MAP4K4: variants seen among roughly 807,000 people sequenced by gnomAD.
The protein encoded by MAP4K4 is mitogen-activated protein kinase kinase kinase kinase 4.
In MAP4K4, 38 loss-of-function variants were observed where a neutral mutation model predicts 189.6. That is an observed-to-expected ratio of 0.20 (90% CI 0.15 to 0.26). The LOEUF (loss-of-function observed/expected upper bound fraction) is 0.26, where lower values mean the gene tolerates loss of function less well. MAP4K4 is among the 10% of genes least tolerant of loss of function. The pLI is 1.00. For missense variants in MAP4K4, 1,054 were observed against 1,726.9 expected (o/e 0.61, Z 6.91); for synonymous variants, 610 against 624.3 (o/e 0.98, Z 0.34).
chr2:101,859,841 G>A (rs1214859627), exon 15 of MAP4K4: 6 of 1,607,946 alleles, frequency 3.7e-6, no homozygotes, highest in African/African-American at 1.3e-5. Context: ...AGCCCACTAC[G>A]AGCCTGCTGA....
At chr2:101,830,912 C>T (rs991298805) in intron 6 of MAP4K4, among the ~76,000 whole-genome samples, 1 of 152,214 alleles carries the variant, frequency 6.6e-6, no homozygotes, top group Non-Finnish European at 1.5e-5. Flanking sequence ...AGTCCACACC[C>T]TGGACGAGCC....
chr2:101,818,687 C>G (rs1322232566), intron 3 of MAP4K4, among the ~76,000 whole-genome samples: 1 of 152,162 alleles, frequency 6.6e-6, no homozygotes, highest in Non-Finnish European at 1.5e-5. Flanking sequence ...ACAAACCCAT[C>G]GCTACCTGTG....
chr2:101,756,985 C>G (rs2073204842), intron 2 of MAP4K4, among the ~76,000 whole-genome samples: 1 of 152,160 alleles, frequency 6.6e-6, no homozygotes, highest in Non-Finnish European at 1.5e-5. Context: ...ATCTTTAACA[C>G]CGTTATTGAT....
intron 2 of MAP4K4, among the ~76,000 whole-genome samples, chr2:101,768,768 C>T (rs192424662): frequency 6.6e-6 from 1 of 152,252 alleles, no homozygotes; most frequent in Non-Finnish European, 1.5e-5. Context: ...GTTTTAGGAG[C>T]CTGTTTGATT....
At chr2:101,865,033 C>A in exon 18 of MAP4K4, 1 of 1,556,756 alleles carries the variant, frequency 6.4e-7, no homozygotes, top group Non-Finnish European at 8.7e-7. Context: ...AGAAACTCCA[C>A]CAGGTAAAAG....
In MAP4K4 at chr2:101,874,272, T is replaced by TC; in HGVS notation, c.3241+22dup. The TC allele has an allele frequency of 6.3e-7, 1 of 1,589,756 alleles. No homozygotes were observed. The highest frequency in any genetic ancestry group is 8.6e-7 in the Non-Finnish European group (1 of 1,166,112). Reference sequence around the variant, plus strand: ...TATGGGGTAGGTGTCTAGCCACTACTCCAACACTTTCATTTTTGTTCTGAG... The same window carrying TC: ...TATGGGGTAGGTGTCTAGCCACTACTCCCAACACTTTCATTTTTGTTCTGAG... On this transcript the variant is annotated intron_variant, in intron 26 of 32. Coordinates refer to ENST00000324219, the Ensembl canonical transcript of MAP4K4.
At chr2:101,717,373 C>T (rs936403135) in intron 2 of MAP4K4, among the ~76,000 whole-genome samples, 1 of 152,146 alleles carries the variant, frequency 6.6e-6, no homozygotes, top group Admixed American at 6.5e-5. Flanking sequence ...ATTGAATCTG[C>T]TGTTTATGTG....
intron 2 of MAP4K4, among the ~76,000 whole-genome samples, chr2:101,708,220 CAT>C (rs1252481638): frequency 6.6e-6 from 1 of 152,102 alleles, no homozygotes; most frequent in East Asian, 1.9e-4. Flanking sequence ...CTTAATAACT[CAT>C]GTGATCAGTC....
intron 2 of MAP4K4, among the ~76,000 whole-genome samples, chr2:101,784,276 GTGTGTGTGTGTA>G (rs1172799450): frequency 6.9e-6 from 1 of 145,598 alleles, no homozygotes; most frequent in African/African-American, 2.8e-5. Flanking sequence ...GTGTGTGTGT[GTGTGTGTGTGTA>G]TGTGTGTGTG....
chr2:101,861,151 G>GA, intron 16 of MAP4K4, 165 bp downstream of exon 16: 1 of 601,448 alleles, frequency 1.7e-6, no homozygotes, highest in Non-Finnish European at 2.8e-6. Context: ...AGTTGATAGG[G>GA]AAATATCTTT....
chr2:101,717,498 T>C (rs2049048811), intron 2 of MAP4K4, among the ~76,000 whole-genome samples: 1 of 152,196 alleles, frequency 6.6e-6, no homozygotes, highest in Non-Finnish European at 1.5e-5. Context: ...TCTTAATTTC[T>C]TTTTGTGTCG....
chr2:101,835,156 A>G (rs546466807), intron 8 of MAP4K4, among the ~76,000 whole-genome samples: 3 of 152,360 alleles, frequency 2.0e-5, no homozygotes, highest in South Asian at 4.1e-4. Flanking sequence ...TCTGCCTCAA[A>G]CACCATACAT....
At chr2:101,890,619 C>T (rs1379112070) in intron 32 of MAP4K4, among the ~76,000 whole-genome samples, 1 of 151,504 alleles carries the variant, frequency 6.6e-6, no homozygotes, top group Non-Finnish European at 1.5e-5. Context: ...CCATGCCCAG[C>T]TAATTTTTTG....
rs746569742 is a variant in MAP4K4 at position 101,795,017 on chromosome 2, G to T, written c.180+4241G>T. ...AATATTTTTTGGCAAGAACACCTCAGTGGTGGTATTGGGTACTTCATATTG... is the reference window on the plus strand; with the variant it reads ...AATATTTTTTGGCAAGAACACCTCATTGGTGGTATTGGGTACTTCATATTG... On this transcript the variant is annotated intron_variant, in intron 3 of 32. Transcript: ENST00000324219. Among the ~76,000 whole-genome samples the T allele has an allele frequency of 6.0e-4, 91 of 152,106 alleles. 1 individual carries two copies. Among genetic ancestry groups the T allele is most frequent in the Admixed American group, 1.3e-4 (2 of 15,250 alleles).
intron 2 of MAP4K4, among the ~76,000 whole-genome samples, chr2:101,707,482 T>C (rs2149255411): frequency 6.6e-6 from 1 of 152,262 alleles, no homozygotes; most frequent in East Asian, 1.9e-4. Flanking sequence ...GTGCTGGGAT[T>C]ACAGGCATGA....
chr2:101,834,809 A>C (rs892161709), intron 8 of MAP4K4, among the ~76,000 whole-genome samples: 3 of 152,208 alleles, frequency 2.0e-5, no homozygotes, highest in African/African-American at 7.2e-5. Flanking sequence ...CTAACACATG[A>C]AATTTTAGTA....
chr2:101,864,843 C>A, intron 17 of MAP4K4, 87 bp from the exon 18 acceptor site: 1 of 862,772 alleles, frequency 1.2e-6, no homozygotes, highest in Admixed American at 2.4e-5. Context: ...AATATTAGGA[C>A]TGCTTTAAAA....
intron 2 of MAP4K4, among the ~76,000 whole-genome samples, chr2:101,735,096 C>T (rs2059849247): frequency 1.3e-5 from 2 of 152,154 alleles, no homozygotes; most frequent in African/African-American, 4.8e-5. Context: ...CCTTTATTTT[C>T]CCTTGATTAA....
chr2:101,723,821 G>A (rs1574272263), intron 2 of MAP4K4, among the ~76,000 whole-genome samples: 2 of 152,260 alleles, frequency 1.3e-5, no homozygotes, highest in East Asian at 3.9e-4. Context: ...AGGTTAACTA[G>A]TGAAACTTCT....
Sources: allele counts gnomAD v4.1 joint callset (sites outside exome capture counted in the v4.1 genomes callset), GRCh38; gene constraint gnomAD v4.1.1; transcripts MANE v1.5; gene names NCBI Gene and HGNC (gene_info 2026-07-23, HGNC 2026-07-21).